Variants in NTM observed in about 807,000 individuals in gnomAD.
NTM encodes neurotrimin, also known as IgLON family member 2.
In NTM, 13 loss-of-function variants were observed where a neutral mutation model predicts 42.1. The observed-to-expected ratio is 0.31, with a 90% confidence interval of 0.20 to 0.49. NTM has a LOEUF of 0.49. Ranked by LOEUF, NTM falls within the 20% of genes least tolerant of loss-of-function variation. The probability of loss-of-function intolerance (pLI) is 0.99; values close to 1 mark genes in which losing one functional copy is unlikely to be tolerated. For missense variants in NTM, 373 were observed against 452.8 expected, an observed-to-expected ratio of 0.82 and a Z score of 1.60; for synonymous variants, 187 against 179.2, an observed-to-expected ratio of 1.04 and a Z score of -0.35.
In NTM at chr11:131,795,726, G is replaced by A. The variant is rs73023415; in HGVS notation, c.83-115838G>A. 6 of 985,388 alleles carry A rather than the reference G, an allele frequency of 6.1e-6. No homozygotes were observed. The South Asian group carries it at 1.4e-4, about 23-fold the overall frequency. The allele number at this position is 985,388 out of a possible 1,614,324, so 61.0% of individuals were successfully genotyped here. A position where few individuals can be genotyped will look rare whatever the true frequency, so the allele number is the denominator to read the frequency against. On this transcript the variant is annotated intron_variant, in intron 1 of 8. Coordinates refer to ENST00000683400, the MANE Select transcript of NTM (RefSeq NM_001352005.2). ...TCTTTCTGTGCTGGGCATTGCCTGA[G>A]GTGGTGACAGTGTAGTGGTTCAGGT...
At chr11:132,181,619 G>A (rs2077579740) in intron 3 of NTM, among the ~76,000 whole-genome samples, 1 of 152,204 alleles carries the variant, frequency 6.6e-6, no homozygotes. Context: ...TCAAAAATGG[G>A]AAGGGGGTCA....
chr11:132,334,778 G>A (rs1003845601), intron 8 of NTM, among the ~76,000 whole-genome samples: 17 of 151,774 alleles, frequency 1.1e-4, no homozygotes, highest in Non-Finnish European at 2.2e-4. Flanking sequence ...TGCATGTTAT[G>A]ACACAGTAAG....
At chr11:131,389,489 C>A (rs1377198436) in intron 1 of NTM, among the ~76,000 whole-genome samples, 1 of 152,192 alleles carries the variant, frequency 6.6e-6, no homozygotes, top group Non-Finnish European at 1.5e-5. Context: ...TCCCGCTGTG[C>A]TTCTCTAGAC....
chr11:132,171,100 T>A (rs1301128966), intron 3 of NTM, among the ~76,000 whole-genome samples: 1 of 152,178 alleles, frequency 6.6e-6, no homozygotes, highest in Admixed American at 6.5e-5. Flanking sequence ...TTGGACCTGT[T>A]TGTAGTTCTT....
chr11:132,018,497 T>A (rs1012263664), intron 2 of NTM, among the ~76,000 whole-genome samples: 1 of 151,964 alleles, frequency 6.6e-6, no homozygotes, highest in East Asian at 1.9e-4. Flanking sequence ...ATCATGTGGC[T>A]TTAAAAAATT....
At chr11:131,668,777 C>T (rs1393127772) in intron 1 of NTM, among the ~76,000 whole-genome samples, 1 of 152,170 alleles carries the variant, frequency 6.6e-6, no homozygotes, top group Non-Finnish European at 1.5e-5. Flanking sequence ...CCTCGTTAGT[C>T]AGAATAATCT....
At chr11:132,157,040 G>C (rs2137534471) in intron 3 of NTM, among the ~76,000 whole-genome samples, 1 of 152,324 alleles carries the variant, frequency 6.6e-6, no homozygotes, top group African/African-American at 2.4e-5. Context: ...GATATCTTTT[G>C]AGAGCCTCTG....
intron 1 of NTM, among the ~76,000 whole-genome samples, chr11:131,453,048 C>G (rs890538821): frequency 3.9e-5 from 6 of 152,182 alleles, no homozygotes; most frequent in Non-Finnish European, 8.8e-5. Flanking sequence ...CTCAGCAGAG[C>G]TGTCTGTCCA....
In NTM at chr11:132,314,553, CTGATTGAAGGAAAG is replaced by C; in HGVS notation, c.785_798del (p.Leu262GlnfsTer21). The C allele has an allele frequency of 6.2e-7, 1 of 1,610,680 alleles. No homozygotes were observed. Among genetic ancestry groups the C allele is most frequent in the South Asian group, 1.1e-5 (1 of 90,180 alleles). Reference sequence around the variant, plus strand: ...TTTTTTGTCTTTTGTTTCTCTCAGACTGATTGAAGGAAAGAAAGGGGTGAAAGTGGAAAACAGAC... The same window carrying C: ...TTTTTTGTCTTTTGTTTCTCTCAGACAAAGGGGTGAAAGTGGAAAACAGAC... On this transcript the variant is annotated frameshift_variant and splice_region_variant, in exon 7 of 9. Coordinates refer to ENST00000683400, the MANE Select transcript of NTM (RefSeq NM_001352005.2). LOFTEE classifies it high-confidence loss of function.
intron 1 of NTM, among the ~76,000 whole-genome samples, chr11:131,751,859 C>T (rs961972665): frequency 1.3e-5 from 2 of 148,958 alleles, no homozygotes; most frequent in African/African-American, 5.0e-5. Context: ...TGATTATAAG[C>T]TCCATAACGG....
At chr11:131,787,353 A>G (rs2089402380) in intron 1 of NTM, among the ~76,000 whole-genome samples, 1 of 46,686 alleles carries the variant, frequency 2.1e-5, no homozygotes. Context: ...ACATAATACA[A>G]GATTATTATT....
At chr11:132,200,402 C>T (rs890095442) in intron 3 of NTM, among the ~76,000 whole-genome samples, 2 of 152,108 alleles carry the variant, frequency 1.3e-5, no homozygotes, top group African/African-American at 4.8e-5. Context: ...GGCTAATGAC[C>T]CTCCTTTGCT....
At chr11:131,484,567 G>T (rs1953955631) in intron 1 of NTM, among the ~76,000 whole-genome samples, 1 of 152,084 alleles carries the variant, frequency 6.6e-6, no homozygotes, top group Non-Finnish European at 1.5e-5. Context: ...TGATGCATTT[G>T]GCCCTTCCTT....
In NTM at chr11:131,378,789, T is replaced by C. The variant is rs7117927; in HGVS notation, c.82+7901T>C. ...CATCCTTAGATGTGAGAATTACATATTTCTCTTCTACCTAGCCTCCCTGCC... is the reference window on the plus strand; with the variant it reads ...CATCCTTAGATGTGAGAATTACATACTTCTCTTCTACCTAGCCTCCCTGCC... On this transcript the variant is annotated intron_variant, in intron 1 of 8. Coordinates refer to ENST00000683400, the MANE Select transcript of NTM (RefSeq NM_001352005.2). Among the ~76,000 whole-genome samples the C allele has an allele frequency of 3.7e-3, 564 of 152,306 alleles. 2 individuals are homozygous for C. The highest frequency in any genetic ancestry group is 0.013 in the African/African-American group (541 of 41,564).
Position 131,483,415 on chromosome 11 carries a change from G to A in NTM, c.82+112527G>A, listed in dbSNP as rs138335181. Among the ~76,000 whole-genome samples the A allele has an allele frequency of 5.2e-3, 785 of 152,286 alleles. 21 individuals are homozygous for A. The highest frequency in any genetic ancestry group is 0.044 in the Admixed American group (677 of 15,296). The stretch of plus-strand genomic sequence containing the variant: ...ACCCATTTGTAAACGTGCAAACTGA[G>A]GCCTAGTGCCATAGAGCGACTTACT... On this transcript the variant is annotated intron_variant, in intron 1 of 8. Coordinates refer to ENST00000683400, the MANE Select transcript of NTM (RefSeq NM_001352005.2).
chr11:131,911,135 C>G, intron 1 of NTM: 1 of 1,259,852 alleles, frequency 7.9e-7, no homozygotes, highest in Non-Finnish European at 1.0e-6. Flanking sequence ...CGTGTCTGAA[C>G]TGCCGCTGGG....
intron 1 of NTM, among the ~76,000 whole-genome samples, chr11:131,901,574 T>C (rs1441784488): frequency 6.6e-6 from 1 of 152,138 alleles, no homozygotes; most frequent in African/African-American, 2.4e-5. Flanking sequence ...TTGGGGAATC[T>C]AGTATTAATA....
chr11:131,404,390 C>T (rs1407937152), intron 1 of NTM, among the ~76,000 whole-genome samples: 1 of 152,172 alleles, frequency 6.6e-6, no homozygotes, highest in Admixed American at 6.5e-5. Context: ...GCCGTCCTGG[C>T]TTTCTTCTTA....
At position 131,617,341 on chromosome 11, in the gene NTM, T is replaced by A. The variant is rs560788946; in HGVS notation, c.82+246453T>A. 3.3e-5 allele frequency among the ~76,000 whole-genome samples: 5 copies of A among 152,252 alleles called. No homozygotes were observed. The South Asian group carries it at 1.0e-3, about 32-fold the overall frequency. ...AGAAAACGTGTGCTTCGTACGTGCA[T>A]ATGTTTAAGAAGATCATCTTCATCT... On this transcript the variant is annotated intron_variant, in intron 1 of 8. Coordinates refer to ENST00000683400, the MANE Select transcript of NTM (RefSeq NM_001352005.2).
Sources: allele counts gnomAD v4.1 joint callset (sites outside exome capture counted in the v4.1 genomes callset), GRCh38; gene constraint gnomAD v4.1.1; transcripts MANE v1.5; gene names NCBI Gene and HGNC (gene_info 2026-07-23, HGNC 2026-07-21).